Variants in MMEL1 observed in about 807,000 individuals in gnomAD.
MMEL1 encodes membrane metalloendopeptidase like 1.
In MMEL1, 98 loss-of-function variants were observed where a neutral mutation model predicts 117.1. That is an observed-to-expected ratio of 0.84 (90% CI 0.71 to 0.99). MMEL1 has a LOEUF of 0.99. Among genes scored for constraint, MMEL1 ranks in the 50% least tolerant of loss-of-function variants. The pLI is 0.00. For synonymous variants in MMEL1, 390 were observed against 415.1 expected, an observed-to-expected ratio of 0.94 and a Z score of 0.74; for missense variants, 1,014 against 1,049.1, an observed-to-expected ratio of 0.97 and a Z score of 0.46.
At chr1:2,604,122 T>TGCCCCCCCC in intron 10 of MMEL1, 25 bp downstream of exon 10, 18 of 1,357,426 alleles carry the variant, frequency 1.3e-5, no homozygotes, top group Non-Finnish European at 1.7e-5. Flanking sequence ...CGCTGCCCGC[T>TGCCCCCCCC]CCCCACCCGC....
intron 2 of MMEL1, among the ~76,000 whole-genome samples, chr1:2,617,241 C>A (rs1645215356): frequency 6.6e-6 from 1 of 151,962 alleles, no homozygotes; most frequent in Non-Finnish European, 1.5e-5. Context: ...TCCCGGCTAA[C>A]ACGGTGAAAC....
chr1:2,591,402 C>T, intron 23 of MMEL1, 155 bp downstream of exon 23: 1 of 671,322 alleles, frequency 1.5e-6, no homozygotes, highest in Non-Finnish European at 2.6e-6. Flanking sequence ...GAGAATGTCC[C>T]TGACCGAAAT....
intron 2 of MMEL1, among the ~76,000 whole-genome samples, chr1:2,624,900 G>A (rs934351241): frequency 1.3e-5 from 2 of 152,186 alleles, no homozygotes; most frequent in Non-Finnish European, 2.9e-5. Flanking sequence ...CAAAGGGGAC[G>A]CAAGCACGTC....
intron 22 of MMEL1, 57 bp from the exon 23 acceptor site, chr1:2,591,690 T>TGGGGGGGGGCCCTGGGGGGGG: frequency 1.1e-5 from 4 of 376,420 alleles, no homozygotes; most frequent in South Asian, 2.0e-5. Flanking sequence ...CCAGGAGGGG[T>TGGGGGGGGGCCCTGGGGGGGG]GGGGGAGGGT....
Position 2,595,818 on chromosome 1 carries a change from G to A in MMEL1, c.1500+191C>T, listed in dbSNP as rs139461773. Among the ~76,000 whole-genome samples the A allele has an allele frequency of 1.6e-3, 242 of 148,108 alleles. No individual in the cohort carries two copies. The highest frequency in any genetic ancestry group is 2.7e-3 in the Admixed American group (41 of 14,954). ...ACAGTGGGCGAGTGGTCCTGTCTGC[G>A]CCTCCCGGGGCTGCCTTCTCCCCGT... On this transcript the variant is annotated intron_variant, in intron 15 of 23. Transcript: ENST00000378412. The surrounding 1 kb of genome is among the most constrained non-coding windows in gnomAD (Gnocchi z 4.8).
chr1:2,620,016 T>C (rs1364580201), intron 2 of MMEL1, among the ~76,000 whole-genome samples: 1 of 152,180 alleles, frequency 6.6e-6, no homozygotes, highest in Non-Finnish European at 1.5e-5. Context: ...TCCAGGAAGA[T>C]AACGGGTACA....
rs1557516059 is a variant in MMEL1 at position 2,592,281 on chromosome 1, ACGCCCCCTCCCC to A, written c.2068-266_2068-255del. Reference sequence around the variant, plus strand: ...ACCACCTGTCCCGAATGAGCCCCTGACGCCCCCTCCCCTGAGGCACTGGTGCCCCCCTCCCCT... The same window carrying A: ...ACCACCTGTCCCGAATGAGCCCCTGATGAGGCACTGGTGCCCCCCTCCCCT... On this transcript the variant is annotated intron_variant, in intron 21 of 23. Transcript: ENST00000378412. Among the ~76,000 whole-genome samples, 212 of 145,998 alleles carry A rather than the reference ACGCCCCCTCCCC, an allele frequency of 1.5e-3. 16 individuals carry two copies. The highest frequency in any genetic ancestry group is 5.1e-3 in the African/African-American group (194 of 38,142).
Position 2,609,762 on chromosome 1 carries a change from C to T in MMEL1, c.362G>A (p.Gly121Glu). ...PCDDFYQFAC[G>E]GWLRRHVIPE... ...GATCACGTGGCGCCGCAGCCAGCCT[C>T]CGCATGCAAACTGGTAGAAGTCGTC... Residue 121 changes from glycine (G) to glutamate (E), a missense_variant, in exon 5 of 24, where the codon GGA (glycine) becomes GAA (glutamate). Physicochemically the swap from Gly to Glu is moderately conservative, Grantham distance 98 (BLOSUM62 -2). Coordinates refer to ENST00000378412, the MANE Select transcript of MMEL1 (RefSeq NM_033467.4). The T allele has an allele frequency of 3.1e-6, 5 of 1,613,918 alleles. No individual in the cohort carries two copies. Among genetic ancestry groups the T allele is most frequent in the Non-Finnish European group, 4.2e-6 (5 of 1,180,024 alleles).
chr1:2,629,856 A>G (rs1638463834), intron 1 of MMEL1: 1 of 194,488 alleles, frequency 5.1e-6, no homozygotes, highest in Non-Finnish European at 1.0e-5. Flanking sequence ...GTTGTCTTGG[A>G]GCTGTGGGCC....
intron 2 of MMEL1, among the ~76,000 whole-genome samples, chr1:2,617,392 A>C (rs1356018511): frequency 2.9e-5 from 4 of 137,056 alleles, no homozygotes; most frequent in African/African-American, 1.1e-4. Flanking sequence ...GCGCCACTGC[A>C]CTCCAGCCTG....
intron 6 of MMEL1, among the ~76,000 whole-genome samples, chr1:2,607,497 A>AG (rs1645049051): frequency 6.6e-6 from 1 of 151,514 alleles, no homozygotes; most frequent in Non-Finnish European, 1.5e-5. Flanking sequence ...CGGGGTAGGC[A>AG]GGGGAGCCCT....
intron 3 of MMEL1, among the ~76,000 whole-genome samples, chr1:2,611,576 C>T (rs1489899645): frequency 6.6e-6 from 1 of 152,144 alleles, no homozygotes; most frequent in Non-Finnish European, 1.5e-5. Context: ...ATCTTCCATC[C>T]CCATGGGTGG....
At chr1:2,628,652 G>C (rs1415418335) in intron 2 of MMEL1, among the ~76,000 whole-genome samples, 1 of 151,742 alleles carries the variant, frequency 6.6e-6, no homozygotes, top group Non-Finnish European at 1.5e-5. Context: ...CCTGAACCAA[G>C]AGGGGAGATC....
chr1:2,605,990 C>A (rs756532366), intron 8 of MMEL1, among the ~76,000 whole-genome samples: 12 of 152,188 alleles, frequency 7.9e-5, no homozygotes, highest in Non-Finnish European at 1.3e-4. Flanking sequence ...CGGTTCCAGC[C>A]CCGCTGTTCA....
At chr1:2,611,065 C>T (rs896453127) in intron 4 of MMEL1, among the ~76,000 whole-genome samples, 6 of 152,194 alleles carry the variant, frequency 3.9e-5, no homozygotes, top group Non-Finnish European at 7.3e-5. Flanking sequence ...CAGGGCCTGG[C>T]TGCTGGAGGC....
At chr1:2,594,032 C>T (rs1644789760) in intron 18 of MMEL1, 99 bp from the exon 19 acceptor site, 4 of 1,424,072 alleles carry the variant, frequency 2.8e-6, no homozygotes. Flanking sequence ...ACACTTGATC[C>T]CACAGACCGG....
At chr1:2,617,644 G>A (rs1645225406) in intron 2 of MMEL1, among the ~76,000 whole-genome samples, 1 of 152,090 alleles carries the variant, frequency 6.6e-6, no homozygotes, top group Non-Finnish European at 1.5e-5. Flanking sequence ...CTTTTCTTGG[G>A]AAAACTGTTG....
Position 2,616,522 on chromosome 1 carries a change from A to G in MMEL1, c.155-4318T>C, listed in dbSNP as rs141392535. The stretch of plus-strand genomic sequence containing the variant: ...GCTTATAATTCTATACCCAGCAAAA[A>G]CATATTTCAAAAGTGAAAGTGAAAT... On this transcript the variant is annotated intron_variant, in intron 2 of 23. Coordinates refer to ENST00000378412, the MANE Select transcript of MMEL1 (RefSeq NM_033467.4). Among the ~76,000 whole-genome samples, 487 of 152,308 alleles carry G rather than the reference A, an allele frequency of 3.2e-3. 1 individual carries two copies. The highest frequency in any genetic ancestry group is 0.011 in the African/African-American group (458 of 41,564).
intron 2 of MMEL1, among the ~76,000 whole-genome samples, chr1:2,620,514 G>A (rs1645273689): frequency 6.6e-6 from 1 of 152,138 alleles, no homozygotes; most frequent in Non-Finnish European, 1.5e-5. Flanking sequence ...ACTGTTTGGG[G>A]CTTGTTATGG....
Sources: allele counts gnomAD v4.1 joint callset (sites outside exome capture counted in the v4.1 genomes callset), GRCh38; gene constraint gnomAD v4.1.1; non-coding constraint Gnocchi (gnomAD v3.1); transcripts MANE v1.5; gene names NCBI Gene and HGNC (gene_info 2026-07-23, HGNC 2026-07-21).